The following GRK5 variants were observed in gnomAD, a reference collection of about 807,000 sequenced individuals.
GRK5 encodes G protein-coupled receptor kinase 5.
Under a neutral mutation model 78.4 loss-of-function variants are expected in GRK5, and 40 were observed. The observed-to-expected ratio is 0.51, with a 90% CI of 0.40 to 0.66. The LOEUF is 0.66. Among genes scored for constraint, GRK5 ranks in the 30% least tolerant of loss-of-function variants. The pLI, the probability that GRK5 is intolerant of heterozygous loss-of-function variation, is 0.00. For synonymous variants in GRK5, 289 were observed against 296.8 expected (o/e 0.97, Z 0.27); for missense variants, 598 against 759.9 (o/e 0.79, Z 2.50).
Position 119,448,176 on chromosome 10 carries a change from A to G in GRK5, c.1320A>G (p.Ala440=), listed in dbSNP as rs1472184661. 4 of 1,582,372 alleles carry G rather than the reference A, an allele frequency of 2.5e-6. 1 individual carries two copies. Among genetic ancestry groups the G allele is most frequent in the East Asian group, 2.4e-5 (1 of 41,992 alleles). The change falls in exon 13 of 16, where the codon GCA becomes GCG. Residue 440 remains alanine (A), a synonymous_variant. Coordinates refer to ENST00000392870, the MANE Select transcript of GRK5 (RefSeq NM_005308.3). The part of the protein sequence containing the change: ...QRLGCQEEGA[A]EVKRHPFFRN... ...TGGGCTGCCAGGAGGAGGGGGCTGCAGAGGTCAAGAGACACCCCTTCTTCA... is the reference window on the plus strand; with the variant it reads ...TGGGCTGCCAGGAGGAGGGGGCTGCGGAGGTCAAGAGACACCCCTTCTTCA...
At chr10:119,276,123 T>G (rs928821036) in intron 1 of GRK5, among the ~76,000 whole-genome samples, 2 of 152,202 alleles carry the variant, frequency 1.3e-5, no homozygotes, top group Admixed American at 1.3e-4. Context: ...GAGTTTTTCT[T>G]TTTTTTATTA....
At chr10:119,396,349 G>C (rs55815332) in intron 3 of GRK5, among the ~76,000 whole-genome samples, 1 of 152,326 alleles carries the variant, frequency 6.6e-6, no homozygotes, top group East Asian at 1.9e-4. Context: ...CTTCAACCCC[G>C]GCTGCCCAGG....
In GRK5 at chr10:119,436,825, G is replaced by A. The variant is rs780840740; in HGVS notation, c.913G>A (p.Glu305Lys). 4.4e-6 allele frequency: 7 copies of A among 1,607,508 alleles called. No homozygotes were observed. The South Asian group carries it at 4.4e-5, about 10-fold the overall frequency. Residue 305 changes from glutamate (E) to lysine (K), a missense_variant, in exon 9 of 16, where the codon GAG becomes AAG. Coordinates refer to ENST00000392870, the MANE Select transcript of GRK5 (RefSeq NM_005308.3). ...ILCGLEDLHR[E>K]NTVYRDLKPE... ...CTGCGGCTTAGAAGACCTCCACCGTGAGAACACCGTCTACCGGTGAGTGGA... is the reference window on the plus strand; with the variant it reads ...CTGCGGCTTAGAAGACCTCCACCGTAAGAACACCGTCTACCGGTGAGTGGA...
chr10:119,338,011 C>T (rs77952265), intron 2 of GRK5, among the ~76,000 whole-genome samples: 4,290 of 152,256 alleles, frequency 0.028, 131 homozygotes, highest in African/African-American at 0.067. Context: ...TCTGTAGCAA[C>T]GCTCTTTCCA....
chr10:119,242,827 G>A (rs1253703203), intron 1 of GRK5, among the ~76,000 whole-genome samples: 8 of 151,928 alleles, frequency 5.3e-5, no homozygotes, highest in Non-Finnish European at 1.2e-4. Flanking sequence ...TTTGCCTTCC[G>A]CCATGATTGT....
At chr10:119,339,290 C>T (rs1414323516) in intron 2 of GRK5, among the ~76,000 whole-genome samples, 1 of 152,240 alleles carries the variant, frequency 6.6e-6, no homozygotes, top group Non-Finnish European at 1.5e-5. Flanking sequence ...AGCCCAGCCA[C>T]CCTGCAGCAG....
chr10:119,219,532 A>G (rs1484120904), intron 1 of GRK5, among the ~76,000 whole-genome samples: 2 of 152,190 alleles, frequency 1.3e-5, no homozygotes, highest in African/African-American at 4.8e-5. Context: ...ATGTTATGTG[A>G]TGGTGAAGAA....
chr10:119,451,033 CCAGTCGTCCCTGCCAGCCCCCCA>C (rs1853273105), intron 13 of GRK5, among the ~76,000 whole-genome samples: 1 of 57,316 alleles, frequency 1.7e-5, no homozygotes, highest in African/African-American at 7.2e-5. Flanking sequence ...GCCAGCCCCC[CCAGTCGTCCCTGCCAGCCCCCCA>C]CAGTCATCCC....
intron 1 of GRK5, among the ~76,000 whole-genome samples, chr10:119,231,866 C>T (rs1174062109): frequency 6.6e-6 from 1 of 152,124 alleles, no homozygotes; most frequent in East Asian, 1.9e-4. Flanking sequence ...AAAGGGAACT[C>T]ATACACTGTT....
At chr10:119,427,163 C>G (rs1248519747) in intron 6 of GRK5, among the ~76,000 whole-genome samples, 1 of 151,068 alleles carries the variant, frequency 6.6e-6, no homozygotes, top group Non-Finnish European at 1.5e-5. Flanking sequence ...CAATATCCCA[C>G]CGCCATCATC....
At chr10:119,332,476 A>G (rs552846903) in intron 2 of GRK5, among the ~76,000 whole-genome samples, 16 of 152,194 alleles carry the variant, frequency 1.1e-4, no homozygotes, top group Non-Finnish European at 1.8e-4. Context: ...ACTGATAGGA[A>G]TGGATCTTTG....
chr10:119,272,285 G>A (rs1849594437), intron 1 of GRK5, among the ~76,000 whole-genome samples: 1 of 152,208 alleles, frequency 6.6e-6, no homozygotes, highest in Non-Finnish European at 1.5e-5. Context: ...GTGTAAAGCT[G>A]AGTGCATGAG....
chr10:119,440,314 GAAT>G (rs1165930181), intron 10 of GRK5, among the ~76,000 whole-genome samples: 1 of 151,888 alleles, frequency 6.6e-6, no homozygotes, highest in Non-Finnish European at 1.5e-5. Flanking sequence ...TGTGGACACT[GAAT>G]AATAAGAACA....
intron 8 of GRK5, among the ~76,000 whole-genome samples, chr10:119,433,520 G>A (rs1852862598): frequency 6.6e-6 from 1 of 152,170 alleles, no homozygotes; most frequent in Admixed American, 6.5e-5. Context: ...CCCTTTCTCG[G>A]TGATCACCTG....
chr10:119,213,039 C>G (rs1848513923), intron 1 of GRK5: 1 of 152,210 alleles, frequency 6.6e-6, no homozygotes, highest in Admixed American at 6.5e-5. Context: ...GGTGAACTGG[C>G]TTGGTGGGAA....
At chr10:119,330,733 GA>G (rs1038954088) in intron 2 of GRK5, among the ~76,000 whole-genome samples, 3 of 152,096 alleles carry the variant, frequency 2.0e-5, no homozygotes, top group Admixed American at 1.3e-4. Context: ...AAGACTCTTA[GA>G]TCTAGGATGG....
At chr10:119,344,226 A>G (rs889001505) in intron 2 of GRK5, among the ~76,000 whole-genome samples, 12 of 151,994 alleles carry the variant, frequency 7.9e-5, no homozygotes, top group African/African-American at 2.9e-4. Flanking sequence ...CATGTGCACA[A>G]CGTGTGGGTT....
intron 2 of GRK5, among the ~76,000 whole-genome samples, chr10:119,368,621 G>A (rs1851491892): frequency 6.6e-6 from 1 of 152,226 alleles, no homozygotes; most frequent in Non-Finnish European, 1.5e-5. Flanking sequence ...GGTCATGCAG[G>A]GTCAGACGTG....
At chr10:119,240,186 C>T (rs1319232761) in intron 1 of GRK5, among the ~76,000 whole-genome samples, 3 of 142,546 alleles carry the variant, frequency 2.1e-5, no homozygotes, top group East Asian at 2.0e-4. Flanking sequence ...ATCTGTTTCC[C>T]GACTTTTTTT....
Sources: gnomAD v4.1 joint callset for allele counts (sites outside exome capture counted in the v4.1 genomes callset) on GRCh38, gnomAD v4.1.1 for gene constraint, MANE v1.5 for transcripts, NCBI Gene and HGNC (gene_info 2026-07-23, HGNC 2026-07-21) for gene names.